ADARB2: variants seen among roughly 807,000 people sequenced by gnomAD.
The protein encoded by ADARB2 is inactive double-stranded RNA-specific editase B2.
In ADARB2, 25 loss-of-function variants were observed where a neutral mutation model predicts 62.2. The ratio of observed to expected loss-of-function variants is 0.40; its 90% CI spans 0.29 to 0.56. The LOEUF is 0.56. ADARB2 is among the 20% of genes least tolerant of loss of function. ADARB2 has a pLI of 0.43. For missense variants in ADARB2, 1,071 were observed against 1,077.4 expected (o/e 0.99, Z 0.08); for synonymous variants, 572 against 500.8 (o/e 1.14, Z -1.90).
intron 1 of ADARB2, among the ~76,000 whole-genome samples, chr10:1,448,308 C>A (rs934693338): frequency 6.6e-6 from 1 of 152,150 alleles, no homozygotes; most frequent in African/African-American, 2.4e-5. Flanking sequence ...GGGTATGGCT[C>A]CCTTTGATAT....
chr10:1,715,265 C>A (rs1835003795), intron 1 of ADARB2, among the ~76,000 whole-genome samples: 1 of 152,028 alleles, frequency 6.6e-6, no homozygotes, highest in South Asian at 2.1e-4. Flanking sequence ...TCTTATTATC[C>A]CCAGATTTTT....
chr10:1,732,778 T>C (rs1220453553), intron 1 of ADARB2, among the ~76,000 whole-genome samples: 1 of 152,234 alleles, frequency 6.6e-6, no homozygotes, highest in Non-Finnish European at 1.5e-5. Flanking sequence ...TCTGCCCTCA[T>C]CCTCAGCACA....
chr10:1,393,892 AC>A (rs1466146895), intron 1 of ADARB2, among the ~76,000 whole-genome samples: 1 of 152,102 alleles, frequency 6.6e-6, no homozygotes, highest in African/African-American at 2.4e-5. Context: ...GGAGAAACTC[AC>A]AGCTTTCCAA....
intron 3 of ADARB2, among the ~76,000 whole-genome samples, chr10:1,282,646 T>G (rs961807189): frequency 1.3e-5 from 2 of 152,204 alleles, no homozygotes; most frequent in Admixed American, 1.3e-4. Flanking sequence ...AATCAGACTT[T>G]GCAATAATGT....
chr10:1,377,139 G>T (rs1422259432), intron 2 of ADARB2, among the ~76,000 whole-genome samples: 3 of 137,666 alleles, frequency 2.2e-5, no homozygotes, highest in Non-Finnish European at 4.7e-5. Flanking sequence ...TCCCTGGGGT[G>T]TGTGTGTTTG....
intron 6 of ADARB2, among the ~76,000 whole-genome samples, chr10:1,220,048 ATGGTGG>A (rs532695137): frequency 1.7e-5 from 2 of 118,892 alleles, no homozygotes; most frequent in Non-Finnish European, 3.5e-5. Context: ...GGTAATGGTG[ATGGTGG>A]TGGTGGTGAT....
chr10:1,635,336 C>T (rs1588332445), intron 1 of ADARB2, among the ~76,000 whole-genome samples: 2 of 152,204 alleles, frequency 1.3e-5, no homozygotes, highest in East Asian at 3.8e-4. Flanking sequence ...GTGGTGAACT[C>T]GGCAGGCTGA....
intron 6 of ADARB2, among the ~76,000 whole-genome samples, chr10:1,217,374 C>G (rs1348873136): frequency 6.6e-6 from 1 of 152,202 alleles, no homozygotes; most frequent in South Asian, 2.1e-4. Flanking sequence ...GCCAGACTCT[C>G]TTTTCACCAA....
intron 8 of ADARB2, among the ~76,000 whole-genome samples, chr10:1,186,184 C>T (rs1836755605): frequency 6.6e-6 from 1 of 152,242 alleles, no homozygotes; most frequent in South Asian, 2.1e-4. Context: ...CAGAGGAATA[C>T]AGGCTATGGG....
At chr10:1,735,065 G>A (rs1052904878) in intron 1 of ADARB2, among the ~76,000 whole-genome samples, 4 of 152,264 alleles carry the variant, frequency 2.6e-5, no homozygotes, top group South Asian at 4.1e-4. Context: ...ATCTTTAGCC[G>A]TTTGATTTGA....
chr10:1,634,122 G>A (rs1205100685), intron 1 of ADARB2, among the ~76,000 whole-genome samples: 2 of 152,136 alleles, frequency 1.3e-5, no homozygotes, highest in African/African-American at 4.8e-5. Context: ...TGTCCCCACG[G>A]GTGTGTTTCC....
At chr10:1,250,457 G>A (rs116498977) in intron 4 of ADARB2, among the ~76,000 whole-genome samples, 3,826 of 152,226 alleles carry the variant, frequency 0.025, 69 homozygotes, top group African/African-American at 0.043. Context: ...AGAGTTGGCT[G>A]TAATGAAGCC....
intron 4 of ADARB2, among the ~76,000 whole-genome samples, chr10:1,242,779 C>T (rs1830940051): frequency 2.5e-5 from 2 of 81,236 alleles, no homozygotes; most frequent in East Asian, 2.0e-4. Flanking sequence ...AAACACAGGA[C>T]AGGAGCTGAT....
At chr10:1,517,577 C>A (rs1832021310) in intron 1 of ADARB2, among the ~76,000 whole-genome samples, 1 of 152,156 alleles carries the variant, frequency 6.6e-6, no homozygotes, top group South Asian at 2.1e-4. Context: ...TTTTCCTGGT[C>A]TGCCCCCACC....
At chr10:1,510,171 T>TC (rs1831918452) in intron 1 of ADARB2, among the ~76,000 whole-genome samples, 2 of 79,914 alleles carry the variant, frequency 2.5e-5, no homozygotes, top group East Asian at 4.8e-4. Context: ...TTTCTTTCTT[T>TC]TTCTTTCTTT....
Position 1,547,645 on chromosome 10 carries a change from G to A in ADARB2, c.101-168485C>T, listed in dbSNP as rs563816001. 2.0e-4 allele frequency among the ~76,000 whole-genome samples: 17 copies of A among 84,666 alleles called. 1 individual carries two copies. Among genetic ancestry groups the A allele is most frequent in the Non-Finnish European group, 4.3e-4 (16 of 37,484 alleles). 55.5% of individuals were successfully genotyped at this position (84,666 alleles called of 152,430 possible). A position where few individuals can be genotyped will look rare whatever the true frequency, so the allele number is the denominator to read the frequency against. ...TGCACTGGCGTATGCACTGTGGGGA[G>A]GGGGAGAGAGGCTGTGCAAGTCTAT... is the stretch of plus-strand genomic sequence containing the variant. On this transcript the variant is annotated intron_variant, in intron 1 of 9. Transcript: ENST00000381312.
intron 1 of ADARB2, among the ~76,000 whole-genome samples, chr10:1,661,294 C>T (rs953069686): frequency 2.6e-5 from 4 of 152,196 alleles, no homozygotes; most frequent in African/African-American, 9.7e-5. Flanking sequence ...GGTACATTCC[C>T]AGTGGTTTTG....
intron 1 of ADARB2, among the ~76,000 whole-genome samples, chr10:1,677,899 C>T (rs1276751852): frequency 6.6e-6 from 1 of 152,212 alleles, no homozygotes. Context: ...GTCAGTTGCT[C>T]TTTTAGCATG....
At chr10:1,409,777 AG>A (rs1832742293) in intron 1 of ADARB2, among the ~76,000 whole-genome samples, 1 of 117,884 alleles carries the variant, frequency 8.5e-6, no homozygotes, top group Admixed American at 8.4e-5. Flanking sequence ...AATGACTGAC[AG>A]TGGTGCTGAG....
Sources: gnomAD v4.1 joint callset for allele counts (sites outside exome capture counted in the v4.1 genomes callset) on GRCh38, gnomAD v4.1.1 for gene constraint, MANE v1.5 for transcripts, NCBI Gene and HGNC (gene_info 2026-07-23, HGNC 2026-07-21) for gene names.